ZNF484: variants seen among roughly 807,000 people sequenced by gnomAD.
ZNF484 encodes the protein zinc finger protein 484, also known as KRAB box containing C2H2 type zinc finger bA526D8.4.
ZNF484 carries 11 observed loss-of-function variants against 12.9 expected under a neutral mutation model. That is an observed-to-expected ratio of 0.85 (90% CI 0.54 to 1.41). The LOEUF (loss-of-function observed/expected upper bound fraction) is 1.41. Among genes scored for constraint, ZNF484 ranks in the 40% most tolerant of loss-of-function variants. ZNF484 has a pLI of 0.00. For synonymous variants in ZNF484, 289 were observed against 334.1 expected (o/e 0.86, Z 1.47); for missense variants, 807 against 1,007.7 (o/e 0.80, Z 2.70).
chr9:92,872,176 A>T (rs1425429719), intron 2 of ZNF484, among the ~76,000 whole-genome samples: 3 of 147,108 alleles, frequency 2.0e-5, no homozygotes, highest in Non-Finnish European at 4.5e-5. Flanking sequence ...GGTTGCAGTG[A>T]GCCAAGATCG....
At chr9:92,871,031 A>T (rs953126949) in intron 2 of ZNF484, among the ~76,000 whole-genome samples, 1 of 152,234 alleles carries the variant, frequency 6.6e-6, no homozygotes, top group Non-Finnish European at 1.5e-5. Context: ...GGTTTCCACA[A>T]TACATTACAA....
chr9:92,847,771 T>C lies in ZNF484; in HGVS notation c.1016A>G (p.Gln339Arg), dbSNP rs1855763193. The C allele has an allele frequency of 1.2e-6, 2 of 1,613,856 alleles. No homozygotes were observed. Among genetic ancestry groups the C allele is most frequent in the Non-Finnish European group, 1.7e-6 (2 of 1,180,050 alleles). ...KCSDYGRAFI[Q>R]KSDLFRCQRI... Reference sequence around the variant, plus strand: ...CTGGCATCTGAACAGATCTGACTTCTGGATAAAGGCTCTTCCATAGTCACT... The same window carrying C: ...CTGGCATCTGAACAGATCTGACTTCCGGATAAAGGCTCTTCCATAGTCACT... Residue 339 changes from glutamine (Q) to arginine (R), a missense_variant, in exon 5 of 5, where the codon CAG becomes CGG. Physicochemically the swap from Gln to Arg is conservative, Grantham distance 43 (BLOSUM62 1). Transcript: ENST00000375495.
At position 92,855,901 on chromosome 9, in the gene ZNF484, A is replaced by G. The variant is rs1030930131; in HGVS notation, c.145T>C (p.Cys49Arg). ...ENYFNLISVG[C>R]QVPKPEVIFS... Reference sequence around the variant, plus strand: ...ATGACTTCTGGTTTGGGAACTTGACATCCTGTTAACAGGGGATGATAGAGG... The same window carrying G: ...ATGACTTCTGGTTTGGGAACTTGACGTCCTGTTAACAGGGGATGATAGAGG... Residue 49 changes from cysteine (C) to arginine (R), a missense_variant and splice_region_variant, in exon 4 of 5, where the codon TGT (cysteine) becomes CGT (arginine). Transcript: ENST00000375495. The G allele has an allele frequency of 3.7e-6, 6 of 1,614,122 alleles. No individual in the cohort carries two copies. Among genetic ancestry groups the G allele is most frequent in the Non-Finnish European group, 5.1e-6 (6 of 1,179,970 alleles).
In ZNF484 at chr9:92,846,779, C is replaced by G. The variant is rs1309061154; in HGVS notation, c.2008G>C (p.Gly670Arg). Residue 670 changes from glycine to arginine, a missense_variant, in exon 5 of 5, where the codon GGG becomes CGG. Physicochemically the swap from Gly to Arg is moderately radical, Grantham distance 125. Transcript: ENST00000375495. The stretch of plus-strand genomic sequence containing the variant: ...CCTGACTTCCTAGTGAAGGCTTTCC[C>G]ACAGTCACTACATTTATAAGGTTTC... ...GEKPYKCSDC[G>R]KAFTRKSGLH... 7 of 1,613,834 alleles carry G rather than the reference C, an allele frequency of 4.3e-6. No individual in the cohort carries two copies. Among genetic ancestry groups the G allele is most frequent in the Admixed American group, 1.7e-5 (1 of 59,968 alleles).
In ZNF484 at chr9:92,877,996, AG is replaced by A. The variant is rs1251421387; in HGVS notation, c.-138del. The A allele has an allele frequency of 1.2e-6, 1 of 826,182 alleles. No homozygotes were observed. Among genetic ancestry groups the A allele is most frequent in the Non-Finnish European group, 1.9e-6 (1 of 537,280 alleles). The allele number at this position is 826,182 out of a possible 1,614,324, so 51.2% of individuals were successfully genotyped here. On this transcript the variant is annotated 5_prime_UTR_variant, in exon 1 of 5. Transcript: ENST00000375495. ...CACTTCCTTTTTCTCAATGCCTCCC[AG>A]GCCTAGAGGTACTTCTTACAGCGCT...
At chr9:92,871,458 G>A (rs774836135) in intron 2 of ZNF484, among the ~76,000 whole-genome samples, 1 of 152,114 alleles carries the variant, frequency 6.6e-6, no homozygotes, top group African/African-American at 2.4e-5. Context: ...TAACATTTGT[G>A]TCATTGGAGT....
At chr9:92,864,387 A>G (rs547318393) in intron 2 of ZNF484, among the ~76,000 whole-genome samples, 7 of 152,294 alleles carry the variant, frequency 4.6e-5, no homozygotes, top group Admixed American at 1.3e-4. Flanking sequence ...AATCTCGGGA[A>G]CTATCAAGTG....
chr9:92,873,811 C>G (rs747865361), intron 2 of ZNF484, among the ~76,000 whole-genome samples: 28 of 151,602 alleles, frequency 1.8e-4, no homozygotes, highest in Admixed American at 4.6e-4. Context: ...ATCGTGATAC[C>G]TAAACCAGAA....
At chr9:92,858,354 GA>G (rs1206776921) in intron 2 of ZNF484, among the ~76,000 whole-genome samples, 1 of 150,678 alleles carries the variant, frequency 6.6e-6, no homozygotes, top group South Asian at 2.1e-4. Context: ...TTTTTTTAAA[GA>G]AAAAAACATA....
At chr9:92,861,762 G>C (rs1015918742) in intron 2 of ZNF484, among the ~76,000 whole-genome samples, 3 of 152,122 alleles carry the variant, frequency 2.0e-5, no homozygotes, top group African/African-American at 7.2e-5. Flanking sequence ...CGGGAGACTG[G>C]AAAAAGATAT....
intron 2 of ZNF484, among the ~76,000 whole-genome samples, chr9:92,860,603 CAA>C (rs66491279): frequency 3.3e-5 from 3 of 91,852 alleles, no homozygotes; most frequent in Non-Finnish European, 2.1e-5. Context: ...GACTCCATCT[CAA>C]AAAAAAAAAA....
At position 92,877,958 on chromosome 9, in the gene ZNF484, C is replaced by A. The variant is rs1564121481; in HGVS notation, c.-99G>T. The A allele has an allele frequency of 2.3e-6, 3 of 1,305,416 alleles. No individual in the cohort carries two copies. The highest frequency in any genetic ancestry group is 3.2e-6 in the Non-Finnish European group (3 of 942,746). 80.9% of individuals were successfully genotyped at this position (1,305,416 alleles called of 1,614,324 possible). A position where few individuals can be genotyped will look rare whatever the true frequency, so the allele number is the denominator to read the frequency against. On this transcript the variant is annotated 5_prime_UTR_variant, in exon 1 of 5. Transcript: ENST00000375495. ...CGGGAGGTGACTATAGTCGCAAGAA[C>A]CAGAACAGGACCCACTTCCTTTTTC...
intron 2 of ZNF484, among the ~76,000 whole-genome samples, chr9:92,868,989 T>C (rs1467889402): frequency 6.6e-6 from 1 of 152,122 alleles, no homozygotes; most frequent in Non-Finnish European, 1.5e-5. Flanking sequence ...GCTTCCTGAA[T>C]AGCTGGGATT....
chr9:92,852,363 G>A (rs1426488831), intron 4 of ZNF484, among the ~76,000 whole-genome samples: 1 of 151,324 alleles, frequency 6.6e-6, no homozygotes, highest in Non-Finnish European at 1.5e-5. Context: ...GCACGATCTC[G>A]GCTCACTGCA....
At chr9:92,849,466 G>A (rs1038035561) in intron 4 of ZNF484, among the ~76,000 whole-genome samples, 9 of 151,830 alleles carry the variant, frequency 5.9e-5, no homozygotes, top group Non-Finnish European at 1.2e-4. Context: ...TAGATGTGCT[G>A]TTCTAAGTTC....
At position 92,877,936 on chromosome 9, in the gene ZNF484, G is replaced by T; in HGVS notation, c.-77C>A. The T allele has an allele frequency of 2.7e-6, 4 of 1,481,048 alleles. No individual in the cohort carries two copies. Among genetic ancestry groups the T allele is most frequent in the Non-Finnish European group, 3.6e-6 (4 of 1,098,596 alleles). The allele number at this position is 1,481,048 out of a possible 1,614,324, so 91.7% of individuals were successfully genotyped here. On this transcript the variant is annotated 5_prime_UTR_variant, in exon 1 of 5. Transcript: ENST00000375495. ...TCAGGACAGTGGTCATTTGCCTCGG[G>T]AGGTGACTATAGTCGCAAGAACCAG...
rs1260814323 is a variant in ZNF484 at position 92,847,306 on chromosome 9, C to G, written c.1481G>C (p.Arg494Thr). 4 of 1,613,686 alleles carry G rather than the reference C, an allele frequency of 2.5e-6. No individual in the cohort carries two copies. The Admixed American group carries it at 6.7e-5, about 27-fold the overall frequency. ...IIHQKIHTGE[R>T]PYICTVCGKA... ...ACCACACACAGTACATATATAGGGT[C>G]TTTCTCCTGTATGAATTTTCTGGTG... is the stretch of plus-strand genomic sequence containing the variant. The change falls in exon 5 of 5, where the codon AGA (arginine) becomes ACA (threonine). Residue 494 changes from arginine to threonine, a missense_variant. Arg to Thr is a moderately conservative substitution (Grantham distance 71). Coordinates refer to ENST00000375495, the MANE Select transcript of ZNF484 (RefSeq NM_031486.4).
Position 92,855,854 on chromosome 9 carries a change from C to G in ZNF484, c.192G>C (p.Glu64Asp), listed in dbSNP as rs146725113. 6.2e-7 allele frequency: 1 copy of G among 1,614,152 alleles called. No individual in the cohort carries two copies. Among genetic ancestry groups the G allele is most frequent in the East Asian group, 2.2e-5 (1 of 44,882 alleles). The change falls in exon 4 of 5, where the codon GAG becomes GAC. Residue 64 changes from glutamate (E) to aspartate (D), a missense_variant. Glu to Asp is a conservative substitution (Grantham distance 45). Transcript: ENST00000375495. ...GGATCTCACCATCCAACATACATGG[C>G]TCTTCTTGTTCCAAGCTGAAGATGA... is the stretch of plus-strand genomic sequence containing the variant. ...PEVIFSLEQEEPCMLDGEIPS... is the reference protein window; with the variant it reads ...PEVIFSLEQEDPCMLDGEIPS...
rs578042813 is a variant in ZNF484, at chr9:92,850,601, G to A, written c.236-2050C>T. On this transcript the variant is annotated intron_variant, in intron 4 of 4. Transcript: ENST00000375495. ...TTGGTCTATTTTCTTTTGAGATGGAGCCTCACTCTATCACCCAGGCTGGAG... is the reference window on the plus strand; with the variant it reads ...TTGGTCTATTTTCTTTTGAGATGGAACCTCACTCTATCACCCAGGCTGGAG... Among the ~76,000 whole-genome samples, 4 of 152,188 alleles carry A rather than the reference G, an allele frequency of 2.6e-5. No individual in the cohort carries two copies. The South Asian group carries it at 8.3e-4, about 32-fold the overall frequency.
Sources: allele counts gnomAD v4.1 joint callset (sites outside exome capture counted in the v4.1 genomes callset), GRCh38; gene constraint gnomAD v4.1.1; transcripts MANE v1.5; gene names NCBI Gene and HGNC (gene_info 2026-07-23, HGNC 2026-07-21).